Variants in IFNGR1 observed in about 807,000 individuals in gnomAD.
IFNGR1 encodes the protein AVP, type 2.
Under a neutral mutation model 35.4 loss-of-function variants are expected in IFNGR1, and 23 were observed. The observed-to-expected ratio is 0.65, with a 90% CI of 0.47 to 0.92. The LOEUF (loss-of-function observed/expected upper bound fraction) is 0.92. Ranked by LOEUF, IFNGR1 falls within the 40% of genes least tolerant of loss-of-function variation. The pLI is 0.00. For missense variants in IFNGR1, 533 were observed against 583.4 expected (o/e 0.91, Z 0.89); for synonymous variants, 199 against 209.5 (o/e 0.95, Z 0.43).
chr6:137,217,965 C>A (rs1031385310), intron 1 of IFNGR1, among the ~76,000 whole-genome samples: 1 of 152,188 alleles, frequency 6.6e-6, no homozygotes, highest in African/African-American at 2.4e-5. Context: ...CACTGACTTC[C>A]CTAAAAGAGA....
chr6:137,205,169 C>T (rs995152400), intron 3 of IFNGR1, among the ~76,000 whole-genome samples: 2 of 151,924 alleles, frequency 1.3e-5, no homozygotes, highest in East Asian at 3.9e-4. Flanking sequence ...AATCATATGA[C>T]AAAATTGTGG....
At chr6:137,212,517 A>T (rs545174250) in intron 1 of IFNGR1, among the ~76,000 whole-genome samples, 1 of 152,312 alleles carries the variant, frequency 6.6e-6, no homozygotes, top group South Asian at 2.1e-4. Flanking sequence ...GGGCCTCCCA[A>T]AGTGCTGAGA....
intron 1 of IFNGR1, among the ~76,000 whole-genome samples, chr6:137,208,606 G>A (rs997104083): frequency 6.6e-6 from 1 of 152,240 alleles, no homozygotes; most frequent in Non-Finnish European, 1.5e-5. Context: ...AGCCTTGGCA[G>A]CTTCCACATG....
At chr6:137,210,670 C>G (rs1779555287) in intron 1 of IFNGR1, among the ~76,000 whole-genome samples, 1 of 152,162 alleles carries the variant, frequency 6.6e-6, no homozygotes, top group African/African-American at 2.4e-5. Context: ...TTATATCAAG[C>G]AGACTGCTTA....
intron 3 of IFNGR1, among the ~76,000 whole-genome samples, chr6:137,204,981 T>C (rs764760449): frequency 1.3e-5 from 2 of 152,218 alleles, no homozygotes. Context: ...TCTTTGATGT[T>C]TGAGACTTTG....
intron 1 of IFNGR1, among the ~76,000 whole-genome samples, chr6:137,217,392 C>T (rs1028480302): frequency 1.3e-5 from 2 of 152,214 alleles, no homozygotes; most frequent in Admixed American, 6.5e-5. Flanking sequence ...TGGCTCAACA[C>T]CTGTACTTCA....
chr6:137,208,378 G>A (rs138827989), intron 1 of IFNGR1, among the ~76,000 whole-genome samples: 154 of 152,322 alleles, frequency 1.0e-3, no homozygotes, highest in African/African-American at 3.2e-3. Context: ...CAAGGCCATC[G>A]AGAAAATGTC....
intron 1 of IFNGR1, among the ~76,000 whole-genome samples, chr6:137,212,095 C>T (rs962411995): frequency 2.0e-5 from 3 of 152,188 alleles, no homozygotes; most frequent in African/African-American, 7.2e-5. Flanking sequence ...ACTTTCAGCA[C>T]TCTGGTTAGA....
chr6:137,210,066 A>G, intron 1 of IFNGR1: 1 of 386,786 alleles, frequency 2.6e-6, no homozygotes, highest in Non-Finnish European at 4.6e-6. Context: ...AAAAGTAGTC[A>G]TGGGCCAGGT....
chr6:137,206,707 G>A, intron 2 of IFNGR1: 1 of 495,716 alleles, frequency 2.0e-6, no homozygotes, highest in Non-Finnish European at 3.6e-6. Context: ...AGATGACATA[G>A]TAACTATTAG....
chr6:137,218,519 T>TA, intron 1 of IFNGR1: 1 of 1,289,058 alleles, frequency 7.8e-7, no homozygotes, highest in Non-Finnish European at 1.0e-6. Flanking sequence ...GACTGCCACT[T>TA]ACTTCTCAGC....
intron 1 of IFNGR1, among the ~76,000 whole-genome samples, chr6:137,208,381 A>C (rs1779495575): frequency 6.6e-6 from 1 of 152,212 alleles, no homozygotes; most frequent in South Asian, 2.1e-4. Context: ...GGCCATCGAG[A>C]AAATGTCTCC....
At chr6:137,207,829 G>A (rs1296494144) in intron 1 of IFNGR1, among the ~76,000 whole-genome samples, 4 of 152,162 alleles carry the variant, frequency 2.6e-5, no homozygotes, top group Admixed American at 6.5e-5. Flanking sequence ...CCAGCAGAGT[G>A]GGGCATTGCT....
In IFNGR1 at chr6:137,206,316, GAATA is replaced by G. The variant is rs766023933; in HGVS notation, c.201-12_201-9del. The G allele has an allele frequency of 3.6e-5, 57 of 1,582,812 alleles. No individual in the cohort carries two copies. The Admixed American group carries it at 5.4e-4, about 15-fold the overall frequency. On this transcript the variant is annotated splice_polypyrimidine_tract_variant and intron_variant, in intron 2 of 6. Transcript: ENST00000367739. The stretch of plus-strand genomic sequence containing the variant: ...CATTCTGAATTCTTAACACTAAAAA[GAATA>G]AAAAAATGCGAAGATAACTTTTATT...
intron 6 of IFNGR1, among the ~76,000 whole-genome samples, chr6:137,200,485 T>C (rs770582927): frequency 1.3e-4 from 20 of 152,206 alleles, no homozygotes; most frequent in Admixed American, 6.5e-5. Context: ...CCTAAACTCC[T>C]GTATGTCCCT....
chr6:137,201,505 T>C (rs914443804), intron 5 of IFNGR1, among the ~76,000 whole-genome samples: 3 of 152,136 alleles, frequency 2.0e-5, no homozygotes, highest in Admixed American at 6.5e-5. Context: ...AAACCCCATC[T>C]CTACTAAAAA....
At chr6:137,218,591 C>G in intron 1 of IFNGR1, 5 of 797,638 alleles carry the variant, frequency 6.3e-6, no homozygotes, top group Non-Finnish European at 8.5e-6. Context: ...ACTTTGAGTC[C>G]CCCCCCCCAC....
intron 1 of IFNGR1, chr6:137,215,137 T>A (rs1489836781): frequency 8.7e-7 from 1 of 1,152,968 alleles, no homozygotes. Context: ...CCATACATAT[T>A]TTACCAATGA....
chr6:137,203,487 G>GA lies in IFNGR1; in HGVS notation c.733+11_733+12insT. 1 of 1,441,804 alleles carries GA rather than the reference G, an allele frequency of 6.9e-7. No homozygotes were observed. Among genetic ancestry groups the GA allele is most frequent in the Non-Finnish European group, 9.8e-7 (1 of 1,023,190 alleles). The allele number at this position is 1,441,804 out of a possible 1,614,324, so 89.3% of individuals were successfully genotyped here. ...TCCCTCTATATTTAGAAAAAAAATG[G>GA]CAAGAACTTACCTTTTATACTGCTA... On this transcript the variant is annotated intron_variant, in intron 5 of 6. Transcript: ENST00000367739.
Sources: allele counts gnomAD v4.1 joint callset (sites outside exome capture counted in the v4.1 genomes callset), GRCh38; gene constraint gnomAD v4.1.1; transcripts MANE v1.5; gene names NCBI Gene and HGNC (gene_info 2026-07-23, HGNC 2026-07-21).